Variants in PDE8B observed in about 807,000 individuals in gnomAD.
PDE8B encodes high affinity cAMP-specific and IBMX-insensitive 3',5'-cyclic phosphodiesterase 8B.
Under a neutral mutation model 101.3 loss-of-function variants are expected in PDE8B, and 26 were observed. The observed-to-expected ratio is 0.26, with a 90% CI of 0.19 to 0.36. The LOEUF (loss-of-function observed/expected upper bound fraction) is 0.36, where lower values mean the gene tolerates loss of function less well. Among genes scored for constraint, PDE8B ranks in the 10% least tolerant of loss-of-function variants. The pLI is 1.00. For synonymous variants in PDE8B, 424 were observed against 429.3 expected (o/e 0.99, Z 0.15); for missense variants, 810 against 1,163.1 (o/e 0.70, Z 4.42).
At chr5:77,328,968 CTTGT>C in intron 3 of PDE8B, 26 bp from the exon 4 acceptor site, 1 of 1,591,282 alleles carries the variant, frequency 6.3e-7, no homozygotes, top group Non-Finnish European at 8.6e-7. Context: ...CCCAGATCAC[CTTGT>C]TTGACTTGGA....
chr5:77,182,125 T>C, the PDE8B span, among the ~76,000 whole-genome samples: 61 of 152,042 alleles, frequency 4.0e-4, no homozygotes, highest in South Asian at 1.5e-3. Flanking sequence ...GTACAACCTG[T>C]CCTGGCCTCA....
the PDE8B span, among the ~76,000 whole-genome samples, chr5:77,125,144 C>T: frequency 1.3e-4 from 20 of 152,228 alleles, no homozygotes; most frequent in Admixed American, 1.3e-4. Context: ...AGGCATGCAC[C>T]GCCATGCCAG....
chr5:77,367,103 T>C (rs1784275656), intron 10 of PDE8B, among the ~76,000 whole-genome samples: 1 of 152,064 alleles, frequency 6.6e-6, no homozygotes, highest in Non-Finnish European at 1.5e-5. Flanking sequence ...ATGTGGACTG[T>C]TATTTGTAAA....
intron 7 of PDE8B, among the ~76,000 whole-genome samples, chr5:77,346,616 G>A (rs773495754): frequency 6.6e-6 from 1 of 152,198 alleles, no homozygotes; most frequent in East Asian, 1.9e-4. Flanking sequence ...CAGCCTTTGC[G>A]ATGAACAGGA....
Position 77,413,091 on chromosome 5 carries a change from T to C in PDE8B, c.1713-20T>C. The C allele has an allele frequency of 6.2e-7, 1 of 1,604,084 alleles. No homozygotes were observed. Among genetic ancestry groups the C allele is most frequent in the African/African-American group, 1.3e-5 (1 of 74,816 alleles). On this transcript the variant is annotated intron_variant, in intron 16 of 21. Coordinates refer to ENST00000264917, the MANE Select transcript of PDE8B (RefSeq NM_003719.5). ...GGCCAGTGAATACAATGAGCCAGGG[T>C]GGGTTTTCCTATTTTTCAGGCCATT...
At chr5:77,303,715 G>A (rs920617821) in intron 1 of PDE8B, among the ~76,000 whole-genome samples, 23 of 152,166 alleles carry the variant, frequency 1.5e-4, no homozygotes, top group African/African-American at 5.5e-4. Context: ...TCTTTGTACT[G>A]TTATAATATA....
the PDE8B span, among the ~76,000 whole-genome samples, chr5:77,120,014 A>AAAACG: frequency 6.6e-6 from 1 of 151,970 alleles, no homozygotes; most frequent in African/African-American, 2.4e-5. Flanking sequence ...AAAACAAAAC[A>AAAACG]AAACAAAAAC....
At chr5:77,158,787 G>A in the PDE8B span, among the ~76,000 whole-genome samples, 62,023 of 151,954 alleles carry the variant, frequency 0.41, 13,028 homozygotes, top group African/African-American at 0.49. Flanking sequence ...GTGATCCCGC[G>A]GCAGGGAAGA....
chr5:77,264,633 A>G (rs941782496), intron 1 of PDE8B, among the ~76,000 whole-genome samples: 1 of 152,182 alleles, frequency 6.6e-6, no homozygotes, highest in East Asian at 1.9e-4. Flanking sequence ...AGTGCCAGTA[A>G]GTAGTGGTTG....
Position 77,211,288 on chromosome 5 carries a change from G to A in PDE8B, c.339+24G>A. ...AGGTAAATGCCCCGCGCTGGCACAC[G>A]CCGTGGGGGCCGTCCGCCCCGTCGG... On this transcript the variant is annotated intron_variant, in intron 1 of 21. Transcript: ENST00000264917. This position sits in a 1 kb window ranked among gnomAD's most constrained non-coding sequence, Gnocchi z 4.1. The A allele has an allele frequency of 6.5e-7, 1 of 1,527,070 alleles. No homozygotes were observed. The highest frequency in any genetic ancestry group is 8.7e-7 in the Non-Finnish European group (1 of 1,143,968). The allele number at this position is 1,527,070 out of a possible 1,614,324, so 94.6% of individuals were successfully genotyped here. A position where few individuals can be genotyped will look rare whatever the true frequency, so the allele number is the denominator to read the frequency against.
the PDE8B span, among the ~76,000 whole-genome samples, chr5:77,175,033 G>A: frequency 6.6e-6 from 1 of 152,108 alleles, no homozygotes; most frequent in East Asian, 1.9e-4. Context: ...CATTAGCTCA[G>A]GTCAAAAACC....
chr5:77,159,098 T>C, the PDE8B span, among the ~76,000 whole-genome samples: 1 of 152,188 alleles, frequency 6.6e-6, no homozygotes, highest in Non-Finnish European at 1.5e-5. Flanking sequence ...TGATTGACTA[T>C]GTCGCCCTCT....
intron 1 of PDE8B, among the ~76,000 whole-genome samples, chr5:77,263,676 A>C (rs149776552): frequency 1.3e-5 from 2 of 152,172 alleles, no homozygotes; most frequent in East Asian, 3.8e-4. Flanking sequence ...CCCTTGCCCA[A>C]CTGATGTCGG....
the PDE8B span, chr5:77,165,429 G>A: frequency 6.6e-6 from 1 of 152,254 alleles, no homozygotes; most frequent in African/African-American, 2.4e-5. Context: ...AAAATGCTGA[G>A]TGTGTGGGTG....
intron 16 of PDE8B, 72 bp from the exon 17 acceptor site, chr5:77,413,039 C>T (rs1260257900): frequency 2.4e-6 from 3 of 1,227,616 alleles, no homozygotes; most frequent in Non-Finnish European, 3.6e-6. Context: ...TTCCATGCCC[C>T]ACTATCATCA....
chr5:77,106,524 A>G, the PDE8B span, among the ~76,000 whole-genome samples: 17 of 152,336 alleles, frequency 1.1e-4, no homozygotes, highest in African/African-American at 3.8e-4. Flanking sequence ...TTTTGCCATT[A>G]TCAGATCTTG....
chr5:77,237,050 A>G (rs79651029), intron 1 of PDE8B, among the ~76,000 whole-genome samples: 2,709 of 152,104 alleles, frequency 0.018, 82 homozygotes, highest in African/African-American at 0.062. Flanking sequence ...TATCCCTAGT[A>G]ATTTTCTTTA....
intron 1 of PDE8B, among the ~76,000 whole-genome samples, chr5:77,237,203 T>A (rs1032159565): frequency 1.2e-4 from 18 of 152,154 alleles, no homozygotes; most frequent in Non-Finnish European, 2.5e-4. Flanking sequence ...GTGTTTTTAA[T>A]TCATTCTAAC....
chr5:77,130,802 A>G, the PDE8B span, among the ~76,000 whole-genome samples: 1 of 152,188 alleles, frequency 6.6e-6, no homozygotes. Flanking sequence ...CCACCAAAAA[A>G]TTTTGAAATA....
Sources: allele counts gnomAD v4.1 joint callset (sites outside exome capture counted in the v4.1 genomes callset), GRCh38; gene constraint gnomAD v4.1.1; non-coding constraint Gnocchi (gnomAD v3.1); transcripts MANE v1.5; gene names NCBI Gene and HGNC (gene_info 2026-07-23, HGNC 2026-07-21).